Variants in EPHA4 observed in about 807,000 individuals in gnomAD.
EPHA4 encodes ephrin type-A receptor 4.
A neutral mutation model predicts 108.3 loss-of-function variants in EPHA4; 19 were observed. The observed-to-expected ratio is 0.18, with a 90% CI of 0.12 to 0.26. The LOEUF (loss-of-function observed/expected upper bound fraction) is 0.26, where lower values mean the gene tolerates loss of function less well. EPHA4 is among the 10% of genes least tolerant of loss of function. The probability of loss-of-function intolerance (pLI) is 1.00; values close to 1 mark genes in which losing one functional copy is unlikely to be tolerated. For missense variants in EPHA4, 917 were observed against 1,254.0 expected (o/e 0.73, Z 4.06); for synonymous variants, 449 against 455.5 (o/e 0.99, Z 0.18).
chr2:221,495,758 C>CT (rs1310182404), intron 4 of EPHA4, among the ~76,000 whole-genome samples: 2 of 152,210 alleles, frequency 1.3e-5, no homozygotes, highest in African/African-American at 4.8e-5. Context: ...GCCAATGCTA[C>CT]TTTTATTCAC....
rs1690021269 is a variant in EPHA4 at position 221,429,941 on chromosome 2, A to C, written c.2690+17T>G. 6.2e-7 allele frequency: 1 copy of C among 1,613,018 alleles called. No individual in the cohort carries two copies. Among genetic ancestry groups the C allele is most frequent in the East Asian group, 2.2e-5 (1 of 44,862 alleles). On this transcript the variant is annotated intron_variant, in intron 15 of 17. Transcript: ENST00000281821. ...ATGTGTTCTTTCATACATCACTATT[A>C]AGTAAGCATGGCTGACCTGGAGCTC...
intron 4 of EPHA4, among the ~76,000 whole-genome samples, chr2:221,487,323 A>G (rs150360080): frequency 2.3e-4 from 35 of 152,360 alleles, no homozygotes; most frequent in African/African-American, 8.4e-4. Context: ...AGTGGATGTC[A>G]GAGCAAGCAC....
intron 3 of EPHA4, among the ~76,000 whole-genome samples, chr2:221,545,408 G>T (rs1693965168): frequency 6.6e-6 from 1 of 152,100 alleles, no homozygotes; most frequent in African/African-American, 2.4e-5. Context: ...GGCGGAGGTT[G>T]CAGTGAGCCG....
At chr2:221,466,075 A>C (rs771496491) in intron 5 of EPHA4, among the ~76,000 whole-genome samples, 8 of 152,220 alleles carry the variant, frequency 5.3e-5, no homozygotes, top group Non-Finnish European at 1.0e-4. Flanking sequence ...CCCTGAGGTC[A>C]GCAAAGCCAG....
chr2:221,506,637 T>C (rs553109553), intron 3 of EPHA4, among the ~76,000 whole-genome samples: 3 of 152,360 alleles, frequency 2.0e-5, no homozygotes, highest in Admixed American at 2.0e-4. Flanking sequence ...AGCCAAACGC[T>C]GGCAAATCCA....
chr2:221,478,270 A>T (rs528027223), intron 5 of EPHA4, among the ~76,000 whole-genome samples: 1 of 152,178 alleles, frequency 6.6e-6, no homozygotes, highest in Non-Finnish European at 1.5e-5. Flanking sequence ...ACCTTGTTTC[A>T]TTTATACAGT....
At position 221,563,945 on chromosome 2, in the gene EPHA4, C is replaced by G; in HGVS notation, c.609G>C (p.Lys203Asn). Reference sequence around the variant, plus strand: ...CCAGATTGCGGACTGTGAGTGGACACTTTTTATAGAACACACGGACTGATA... The same window carrying G: ...CCAGATTGCGGACTGTGAGTGGACAGTTTTTATAGAACACACGGACTGATA... ...ALVSVRVFYK[K>N]CPLTVRNLAQ... Residue 203 changes from lysine to asparagine, a missense_variant, in exon 3 of 18, where the codon AAG (lysine) becomes AAC (asparagine). Physicochemically the swap from Lys to Asn is moderately conservative, Grantham distance 94. Coordinates refer to ENST00000281821, the MANE Select transcript of EPHA4 (RefSeq NM_004438.5). The G allele has an allele frequency of 1.2e-6, 2 of 1,614,152 alleles. No homozygotes were observed. Among genetic ancestry groups the G allele is most frequent in the Non-Finnish European group, 1.7e-6 (2 of 1,180,044 alleles).
rs895408047 is a variant in EPHA4, at chr2:221,572,274, T to A, written c.-26A>T. The A allele has an allele frequency of 6.3e-7, 1 of 1,581,630 alleles. No homozygotes were observed. Among genetic ancestry groups the A allele is most frequent in the East Asian group, 2.2e-5 (1 of 44,690 alleles). ...GGTTCGCCGGTGCCAACGCTGCTCC[T>A]GCCGCTTCTATCCCAGTGGAATAAA... On this transcript the variant is annotated 5_prime_UTR_variant, in exon 1 of 18. Transcript: ENST00000281821.
rs76400368 is a variant in EPHA4, at chr2:221,518,879, T to C, written c.824-17707A>G. On this transcript the variant is annotated intron_variant, in intron 3 of 17. Coordinates refer to ENST00000281821, the MANE Select transcript of EPHA4 (RefSeq NM_004438.5). The stretch of plus-strand genomic sequence containing the variant: ...GGCAGAATTGTAATGCTCTCTTGCT[T>C]GGGAGCACTTGTCTCCCAGAGGAAG... Among the ~76,000 whole-genome samples, 3 of 152,198 alleles carry C rather than the reference T, an allele frequency of 2.0e-5. No individual in the cohort carries two copies. In the East Asian group the frequency reaches 5.8e-4, roughly 29 times the overall value.
chr2:221,427,213 A>C (rs1574553171), intron 15 of EPHA4, among the ~76,000 whole-genome samples: 1 of 152,192 alleles, frequency 6.6e-6, no homozygotes, highest in East Asian at 1.9e-4. Flanking sequence ...GACCAGCACG[A>C]GTGCCAAGGC....
At chr2:221,546,320 A>G (rs1361464513) in intron 3 of EPHA4, among the ~76,000 whole-genome samples, 1 of 152,196 alleles carries the variant, frequency 6.6e-6, no homozygotes, top group Non-Finnish European at 1.5e-5. Context: ...CACAGATGCA[A>G]CTTTGCCTTC....
At chr2:221,479,813 C>T (rs905594641) in intron 5 of EPHA4, among the ~76,000 whole-genome samples, 1 of 152,146 alleles carries the variant, frequency 6.6e-6, no homozygotes, top group African/African-American at 2.4e-5. Flanking sequence ...TTCTGGCTGG[C>T]CACATAGGAG....
At chr2:221,500,795 C>A (rs1470220748) in intron 4 of EPHA4, among the ~76,000 whole-genome samples, 1 of 152,166 alleles carries the variant, frequency 6.6e-6, no homozygotes, top group Non-Finnish European at 1.5e-5. Context: ...TCTTCTCCAC[C>A]AAGTAGTCTG....
intron 5 of EPHA4, among the ~76,000 whole-genome samples, chr2:221,471,239 TA>T (rs201420393): frequency 5.9e-5 from 9 of 152,254 alleles, no homozygotes; most frequent in South Asian, 2.1e-4. Context: ...TTTTTGTTTT[TA>T]TTTTTTTAAA....
intron 3 of EPHA4, among the ~76,000 whole-genome samples, chr2:221,554,105 G>C (rs766606693): frequency 6.6e-6 from 1 of 152,196 alleles, no homozygotes; most frequent in African/African-American, 2.4e-5. Context: ...TGAGAAACAA[G>C]AGCCAGATAA....
chr2:221,501,783 A>G (rs780208195), intron 3 of EPHA4, among the ~76,000 whole-genome samples: 3 of 152,222 alleles, frequency 2.0e-5, no homozygotes, highest in Non-Finnish European at 4.4e-5. Context: ...AAATCGAAAG[A>G]TCAACAAAGG....
At chr2:221,549,667 C>T (rs560921563) in intron 3 of EPHA4, among the ~76,000 whole-genome samples, 35 of 142,866 alleles carry the variant, frequency 2.4e-4, no homozygotes, top group African/African-American at 8.1e-4. Context: ...ACCTTTAATT[C>T]GCATGTTTAA....
intron 3 of EPHA4, among the ~76,000 whole-genome samples, chr2:221,508,449 C>T (rs998124078): frequency 1.3e-5 from 2 of 152,054 alleles, no homozygotes; most frequent in African/African-American, 4.8e-5. Context: ...AGGCATTGTG[C>T]ATGCCTGTAG....
intron 3 of EPHA4, among the ~76,000 whole-genome samples, chr2:221,509,336 CACA>C (rs979727486): frequency 8.5e-5 from 13 of 152,282 alleles, no homozygotes; most frequent in South Asian, 2.1e-4. Flanking sequence ...CTCAAAAAAC[CACA>C]ACAACAACAA....
Sources: gnomAD v4.1 joint callset for allele counts (sites outside exome capture counted in the v4.1 genomes callset) on GRCh38, gnomAD v4.1.1 for gene constraint, MANE v1.5 for transcripts, NCBI Gene and HGNC (gene_info 2026-07-23, HGNC 2026-07-21) for gene names.